DYM: variants seen among roughly 807,000 people sequenced by gnomAD.
DYM encodes the protein dyggve-Melchior-Clausen syndrome protein.
DYM carries 78 observed loss-of-function variants against 93.1 expected under a neutral mutation model. That is an observed-to-expected ratio of 0.84 (90% confidence interval 0.70 to 1.01). The LOEUF (loss-of-function observed/expected upper bound fraction) is 1.01, where lower values mean the gene tolerates loss of function less well. Ranked by LOEUF, DYM falls within the 50% of genes least tolerant of loss-of-function variation. DYM has a pLI of 0.00. For synonymous variants in DYM, 321 were observed against 319.7 expected (o/e 1.00, Z -0.04); for missense variants, 789 against 845.0 (o/e 0.93, Z 0.82).
chr18:49,326,292 A>G (rs1453859119), intron 8 of DYM, among the ~76,000 whole-genome samples: 1 of 152,228 alleles, frequency 6.6e-6, no homozygotes, highest in East Asian at 1.9e-4. Context: ...TTTTGTCAGC[A>G]TATTAGAAGA....
At chr18:49,162,669 A>G (rs1268855479) in intron 15 of DYM, among the ~76,000 whole-genome samples, 2 of 152,230 alleles carry the variant, frequency 1.3e-5, no homozygotes, top group African/African-American at 4.8e-5. Context: ...ATTAAGGTGG[A>G]TGGAACAAAG....
chr18:49,282,496 C>G (rs1039649772), intron 9 of DYM, among the ~76,000 whole-genome samples: 7 of 152,080 alleles, frequency 4.6e-5, no homozygotes, highest in African/African-American at 1.7e-4. Context: ...GCCTGTAATC[C>G]CAGCTACTCA....
At chr18:49,160,762 T>C (rs1171269193) in intron 15 of DYM, among the ~76,000 whole-genome samples, 1 of 152,206 alleles carries the variant, frequency 6.6e-6, no homozygotes, top group Non-Finnish European at 1.5e-5. Context: ...ACATGTTCAT[T>C]TTCCCAGTTA....
chr18:49,106,288 C>A (rs1462724938), intron 16 of DYM, among the ~76,000 whole-genome samples: 2 of 152,156 alleles, frequency 1.3e-5, no homozygotes, highest in African/African-American at 4.8e-5. Context: ...TTATTCTGAG[C>A]CTATTTGTGT....
intron 2 of DYM, among the ~76,000 whole-genome samples, chr18:49,400,063 C>T (rs2070636209): frequency 6.7e-6 from 1 of 149,740 alleles, no homozygotes; most frequent in Admixed American, 6.7e-5. Context: ...GCCTCAGCCT[C>T]CCAAGTAGCT....
rs911388422 is a variant in DYM at position 49,040,547 on chromosome 18, T to C, written c.*3508A>G. On this transcript the variant is annotated 3_prime_UTR_variant, in exon 18 of 18. Transcript: ENST00000675505. ...GCTAGCTTAGCTCTTCATCACTGAATAGAAACTGACCTCTTTGACTCCAGG... is the reference window on the plus strand; with the variant it reads ...GCTAGCTTAGCTCTTCATCACTGAACAGAAACTGACCTCTTTGACTCCAGG... Among the ~76,000 whole-genome samples the C allele has an allele frequency of 6.6e-6, 1 of 152,224 alleles. No individual in the cohort carries two copies. Among genetic ancestry groups the C allele is most frequent in the Non-Finnish European group, 1.5e-5 (1 of 68,034 alleles).
rs114096607 is a variant in DYM, at chr18:49,400,432, G to A, written c.141-8787C>T. Among the ~76,000 whole-genome samples, 768 of 152,050 alleles carry A rather than the reference G, an allele frequency of 5.1e-3. 6 individuals are homozygous for A. Among genetic ancestry groups the A allele is most frequent in the African/African-American group, 0.012 (518 of 41,466 alleles). ...GAAACAGCACCACTGCCACTGCCTCGTTCAACAATCAACACTTTAGAGCAG... is the reference window on the plus strand; with the variant it reads ...GAAACAGCACCACTGCCACTGCCTCATTCAACAATCAACACTTTAGAGCAG... On this transcript the variant is annotated intron_variant, in intron 2 of 17. Coordinates refer to ENST00000675505, the MANE Select transcript of DYM (RefSeq NM_001353214.3).
chr18:49,441,607 G>C (rs542534779), intron 1 of DYM, among the ~76,000 whole-genome samples: 2 of 151,622 alleles, frequency 1.3e-5, no homozygotes, highest in South Asian at 2.1e-4. Context: ...GAAAGCAATG[G>C]AAAGAAAGAT....
At chr18:49,412,045 T>C (rs1568399035) in intron 2 of DYM, 4 of 152,090 alleles carry the variant, frequency 2.6e-5, no homozygotes, top group African/African-American at 4.8e-5. Flanking sequence ...ATATAAATTA[T>C]AGCAATTTTT....
At chr18:49,229,821 T>C (rs1484708752) in intron 13 of DYM, among the ~76,000 whole-genome samples, 1 of 152,140 alleles carries the variant, frequency 6.6e-6, no homozygotes, top group African/African-American at 2.4e-5. Context: ...TACACAAATA[T>C]TTATGGCAGC....
At chr18:49,066,894 T>C (rs1259219467) in intron 17 of DYM, among the ~76,000 whole-genome samples, 1 of 152,168 alleles carries the variant, frequency 6.6e-6, no homozygotes, top group Non-Finnish European at 1.5e-5. Flanking sequence ...CTTCATCCCA[T>C]CACAATGAAG....
rs186530577 is a variant in DYM at position 49,298,835 on chromosome 18, C to T, written c.764-12219G>A. 2.4e-4 allele frequency among the ~76,000 whole-genome samples: 36 copies of T among 152,138 alleles called. No individual in the cohort carries two copies. In the East Asian group the frequency reaches 4.6e-3, roughly 20 times the overall value. On this transcript the variant is annotated intron_variant, in intron 8 of 17. Transcript: ENST00000675505. The stretch of plus-strand genomic sequence containing the variant: ...CAGTAAAACTCTTGGTTCACATATC[C>T]CTACAATAAACATTTATGAGAAACT...
At chr18:49,221,390 G>C (rs2093350205) in intron 13 of DYM, among the ~76,000 whole-genome samples, 1 of 151,984 alleles carries the variant, frequency 6.6e-6, no homozygotes, top group South Asian at 2.1e-4. Flanking sequence ...ATTTGACCCA[G>C]TCATCACATT....
At chr18:49,352,017 T>G (rs1391253607) in intron 6 of DYM, among the ~76,000 whole-genome samples, 1 of 152,140 alleles carries the variant, frequency 6.6e-6, no homozygotes, top group East Asian at 1.9e-4. Context: ...ACGTAGAACT[T>G]TCAAAAATGA....
chr18:49,450,266 T>A (rs1212746772), intron 1 of DYM, among the ~76,000 whole-genome samples: 1 of 152,194 alleles, frequency 6.6e-6, no homozygotes, highest in African/African-American at 2.4e-5. Flanking sequence ...CAAAAGGGGT[T>A]GTAAAGGGTT....
intron 15 of DYM, among the ~76,000 whole-genome samples, chr18:49,143,730 C>T (rs534055833): frequency 3.4e-4 from 52 of 152,202 alleles, no homozygotes; most frequent in African/African-American, 1.2e-3. Context: ...CATATTCATA[C>T]GCTGTATAAC....
chr18:49,364,082 C>T (rs1376437210), intron 5 of DYM, among the ~76,000 whole-genome samples: 1 of 152,190 alleles, frequency 6.6e-6, no homozygotes, highest in African/African-American at 2.4e-5. Flanking sequence ...CCCAGAGTTC[C>T]ACCATTGTCA....
At chr18:49,079,409 ATT>A (rs1407209900) in intron 17 of DYM, among the ~76,000 whole-genome samples, 4 of 147,234 alleles carry the variant, frequency 2.7e-5, no homozygotes, top group East Asian at 3.9e-4. Context: ...TTTTTTTTTT[ATT>A]TTTATTTTTT....
intron 16 of DYM, among the ~76,000 whole-genome samples, chr18:49,117,056 C>T (rs2081980335): frequency 6.6e-6 from 1 of 152,144 alleles, no homozygotes; most frequent in South Asian, 2.1e-4. Context: ...ATAAAGATTT[C>T]CCTTAAAATG....
Sources: allele counts gnomAD v4.1 joint callset (sites outside exome capture counted in the v4.1 genomes callset), GRCh38; gene constraint gnomAD v4.1.1; transcripts MANE v1.5; gene names NCBI Gene and HGNC (gene_info 2026-07-23, HGNC 2026-07-21).